Variants in FAM13A observed in about 807,000 individuals in gnomAD.
FAM13A encodes the protein protein FAM13A.
In FAM13A, 76 loss-of-function variants were observed where a neutral mutation model predicts 129.6. The observed-to-expected ratio is 0.59, with a 90% CI of 0.49 to 0.71. The LOEUF (loss-of-function observed/expected upper bound fraction) is 0.71, where lower values mean the gene tolerates loss of function less well. Ranked by LOEUF, FAM13A falls within the 30% of genes least tolerant of loss-of-function variation. The pLI is 0.00. For missense variants in FAM13A, 1,108 were observed against 1,249.3 expected (o/e 0.89, Z 1.70); for synonymous variants, 443 against 449.9 (o/e 0.98, Z 0.20).
At chr4:88,923,320 C>T (rs1378522899) in intron 5 of FAM13A, among the ~76,000 whole-genome samples, 10 of 152,082 alleles carry the variant, frequency 6.6e-5, no homozygotes, top group South Asian at 2.1e-4. Context: ...ACTGGCAAAC[C>T]GAATTCAGCA....
At chr4:89,036,896 G>A (rs1413677399) in intron 1 of FAM13A, among the ~76,000 whole-genome samples, 2 of 152,226 alleles carry the variant, frequency 1.3e-5, no homozygotes, top group South Asian at 2.1e-4. Context: ...GCCTATGGGT[G>A]CACAGAGGGC....
At chr4:88,751,358 A>C (rs1742578359) in intron 14 of FAM13A, among the ~76,000 whole-genome samples, 1 of 152,212 alleles carries the variant, frequency 6.6e-6, no homozygotes. Flanking sequence ...AAGCTAAGGA[A>C]CCACATCAAT....
intron 23 of FAM13A, among the ~76,000 whole-genome samples, chr4:88,730,895 G>A (rs1737586525): frequency 6.6e-6 from 1 of 152,030 alleles, no homozygotes; most frequent in Admixed American, 6.5e-5. Flanking sequence ...CAAACTCCTG[G>A]GTTCAAGCAA....
At chr4:88,954,742 C>CG (rs1757473760) in intron 4 of FAM13A, among the ~76,000 whole-genome samples, 2 of 151,924 alleles carry the variant, frequency 1.3e-5, no homozygotes, top group African/African-American at 4.8e-5. Context: ...AAAAATTAGC[C>CG]AGGTATGGTG....
chr4:89,011,526 A>G (rs1381627760), intron 3 of FAM13A, among the ~76,000 whole-genome samples: 1 of 152,128 alleles, frequency 6.6e-6, no homozygotes, highest in African/African-American at 2.4e-5. Flanking sequence ...TGCCTAACAT[A>G]CTGCTTCTAT....
At chr4:88,767,702 T>C (rs1441292885) in intron 12 of FAM13A, 107 bp from the exon 13 acceptor site, 2 of 870,792 alleles carry the variant, frequency 2.3e-6, no homozygotes, top group Non-Finnish European at 3.4e-6. Flanking sequence ...TGAGTAGCTC[T>C]AAGCCAAATA....
chr4:88,987,123 C>A (rs1762333032), intron 4 of FAM13A, among the ~76,000 whole-genome samples: 1 of 152,120 alleles, frequency 6.6e-6, no homozygotes, highest in Non-Finnish European at 1.5e-5. Flanking sequence ...GGGACTCCCA[C>A]AACTGCCAAA....
At chr4:88,860,013 T>C (rs11729108) in intron 6 of FAM13A, among the ~76,000 whole-genome samples, 16,646 of 152,158 alleles carry the variant, frequency 0.11, 989 homozygotes, top group Non-Finnish European at 0.14. Flanking sequence ...TCTTTCCCCC[T>C]CCCTTGCTGC....
chr4:89,050,929 CA>C (rs1043334612), intron 1 of FAM13A, among the ~76,000 whole-genome samples: 5 of 149,640 alleles, frequency 3.3e-5, no homozygotes, highest in South Asian at 2.1e-4. Flanking sequence ...CTTCTATCTC[CA>C]AAAAAAAAGA....
At chr4:88,975,426 T>C (rs1415691365) in intron 4 of FAM13A, among the ~76,000 whole-genome samples, 1 of 152,212 alleles carries the variant, frequency 6.6e-6, no homozygotes, top group Non-Finnish European at 1.5e-5. Context: ...CATGCCTCAA[T>C]ATATTTATTT....
At chr4:88,921,943 A>T (rs1751171339) in intron 5 of FAM13A, among the ~76,000 whole-genome samples, 1 of 152,092 alleles carries the variant, frequency 6.6e-6, no homozygotes, top group Admixed American at 6.6e-5. Context: ...AAAGATCAAA[A>T]GAGACAAAGA....
chr4:88,974,332 T>G (rs904188659), intron 4 of FAM13A, among the ~76,000 whole-genome samples: 2 of 152,210 alleles, frequency 1.3e-5, no homozygotes, highest in African/African-American at 4.8e-5. Context: ...GCACTTGTTT[T>G]TCCTGTGACC....
intron 6 of FAM13A, among the ~76,000 whole-genome samples, chr4:88,876,891 C>T (rs186031825): frequency 7.2e-5 from 11 of 152,160 alleles, no homozygotes; most frequent in Non-Finnish European, 2.9e-5. Flanking sequence ...GCGCCCAGAC[C>T]GCGTCACTTC....
chr4:88,906,222 A>G (rs1748135862), intron 6 of FAM13A, among the ~76,000 whole-genome samples, 157 bp downstream of exon 6: 1 of 152,226 alleles, frequency 6.6e-6, no homozygotes, highest in African/African-American at 2.4e-5. Flanking sequence ...CAGGAGGCAG[A>G]GGTTGCAGTG....
chr4:88,910,439 C>T (rs1196880486), intron 5 of FAM13A, among the ~76,000 whole-genome samples: 2 of 152,116 alleles, frequency 1.3e-5, no homozygotes, highest in African/African-American at 4.8e-5. Flanking sequence ...GCCTTGCACA[C>T]TACTTCCACA....
At position 88,732,197 on chromosome 4, in the gene FAM13A, T is replaced by G; in HGVS notation, c.2648A>C (p.Glu883Ala). Residue 883 changes from glutamate to alanine, a missense_variant and splice_region_variant, in exon 22 of 24, where the codon GAA (glutamate) becomes GCA (alanine). This residue lies in a region of FAM13A where 529 missense variants were observed against 621.2 expected (regional missense o/e 0.85). Transcript: ENST00000264344. ...ETASFFKEIK[E>A]EEEGSEDDSN... The stretch of plus-strand genomic sequence containing the variant: ...ATCGTCTTCTGACCCCTCCTCTTCT[T>G]CCTGGAGATACACAGCAACCCCAAT... 1 of 1,603,510 alleles carries G rather than the reference T, an allele frequency of 6.2e-7. No homozygotes were observed. Among genetic ancestry groups the G allele is most frequent in the Non-Finnish European group, 8.5e-7 (1 of 1,173,838 alleles).
chr4:88,744,026 G>C (rs1007837919), intron 19 of FAM13A, among the ~76,000 whole-genome samples: 1 of 152,084 alleles, frequency 6.6e-6, no homozygotes, highest in Non-Finnish European at 1.5e-5. Flanking sequence ...TTCATTATCA[G>C]GTTATCATAA....
intron 3 of FAM13A, among the ~76,000 whole-genome samples, chr4:88,992,626 C>G (rs1164801200): frequency 6.6e-6 from 1 of 152,136 alleles, no homozygotes; most frequent in Non-Finnish European, 1.5e-5. Flanking sequence ...ACCCAGCATA[C>G]ACCCCAAAAT....
At chr4:88,841,322 T>A (rs189780406) in intron 7 of FAM13A, among the ~76,000 whole-genome samples, 10,608 of 151,900 alleles carry the variant, frequency 0.07, 513 homozygotes, top group African/African-American at 0.14. Context: ...GGTGAAACCC[T>A]GTCTTTACTA....
Sources: allele counts gnomAD v4.1 joint callset (sites outside exome capture counted in the v4.1 genomes callset), GRCh38; gene constraint gnomAD v4.1.1; regional missense constraint gnomAD v4.1.1; transcripts MANE v1.5; gene names NCBI Gene and HGNC (gene_info 2026-07-23, HGNC 2026-07-21).